DMD: variants seen among roughly 807,000 people sequenced by gnomAD.
DMD encodes dystrophin, also known as mutant dystrophin.
Under a neutral mutation model 330.1 loss-of-function variants are expected in DMD, and 63 were observed. The ratio of observed to expected loss-of-function variants is 0.19; its 90% CI spans 0.16 to 0.24. The LOEUF (loss-of-function observed/expected upper bound fraction) is 0.24. Ranked by LOEUF, DMD falls within the 10% of genes least tolerant of loss-of-function variation. The probability of loss-of-function intolerance (pLI) is 1.00; values close to 1 mark genes in which losing one functional copy is unlikely to be tolerated. For missense variants in DMD, 3,344 were observed against 2,684.1 expected, an observed-to-expected ratio of 1.25 and a Z score of -5.43; for synonymous variants, 1,223 against 959.8, an observed-to-expected ratio of 1.27 and a Z score of -5.07.
intron 62 of DMD, among the ~76,000 whole-genome samples, chrX:31,285,424 T>C (rs1468930422): frequency 2.7e-5 from 3 of 112,231 alleles, no homozygotes; most frequent in African/African-American, 9.7e-5. Context: ...ATTTTTATCA[T>C]AAATTGATTT....
chrX:33,315,426 C>G (rs766952923), intron 1 of DMD, among the ~76,000 whole-genome samples: 1 of 111,685 alleles, frequency 9.0e-6, no homozygotes, highest in East Asian at 2.8e-4. Context: ...TAAAGTCAGC[C>G]ATGTGAGTGT....
chrX:33,300,067 A>C (rs1192841845), intron 1 of DMD, among the ~76,000 whole-genome samples: 1 of 112,307 alleles, frequency 8.9e-6, no homozygotes, highest in Non-Finnish European at 1.9e-5. Context: ...TTACCAGAAA[A>C]GACAACTGTT....
intron 44 of DMD, among the ~76,000 whole-genome samples, chrX:32,024,191 T>G (rs1048608292): frequency 2.7e-5 from 3 of 112,135 alleles, no homozygotes; most frequent in Non-Finnish European, 5.6e-5. Context: ...TCGCTTAAAA[T>G]ATTTATGTAT....
At chrX:31,396,170 C>T (rs1441364622) in intron 60 of DMD, among the ~76,000 whole-genome samples, 1 of 104,770 alleles carries the variant, frequency 9.5e-6, no homozygotes, top group African/African-American at 3.5e-5. Flanking sequence ...CGGAGTCTCG[C>T]TCTGTGGCCC....
chrX:32,177,165 G>A (rs1199563247), intron 44 of DMD, among the ~76,000 whole-genome samples: 1 of 111,771 alleles, frequency 8.9e-6, no homozygotes, highest in Non-Finnish European at 1.9e-5. Context: ...GACCACCATC[G>A]CTTCTTGCCA....
intron 51 of DMD, among the ~76,000 whole-genome samples, chrX:31,768,773 C>T (rs1270524718): frequency 8.9e-6 from 1 of 112,090 alleles, no homozygotes; most frequent in Non-Finnish European, 1.9e-5. Flanking sequence ...TATTGATTCA[C>T]AATTCTAGAA....
At chrX:32,809,373 C>G in intron 7 of DMD, 120 bp downstream of exon 7, 2 of 587,699 alleles carry the variant, frequency 3.4e-6, no homozygotes, top group South Asian at 4.7e-5. Flanking sequence ...TTAAATATAT[C>G]TACAGTATTG....
At chrX:32,196,380 G>A (rs1365018019) in intron 44 of DMD, among the ~76,000 whole-genome samples, 2 of 112,009 alleles carry the variant, frequency 1.8e-5, no homozygotes, top group African/African-American at 6.5e-5. Flanking sequence ...ACTTTCCTGA[G>A]TTTCTGACTT....
chrX:31,299,774 T>TAAAA (rs35813284), intron 62 of DMD, among the ~76,000 whole-genome samples: 2 of 56,907 alleles, frequency 3.5e-5, no homozygotes, highest in African/African-American at 7.0e-5. Flanking sequence ...GACTCCGTCT[T>TAAAA]AAAAAAAAAA....
intron 37 of DMD, among the ~76,000 whole-genome samples, chrX:32,352,958 C>A (rs906771801): frequency 1.8e-5 from 2 of 111,002 alleles, no homozygotes; most frequent in African/African-American, 3.3e-5. Context: ...ATGTCTTATA[C>A]TACTCTATTT....
At chrX:32,137,197 C>T (rs1287642540) in intron 44 of DMD, among the ~76,000 whole-genome samples, 2 of 111,350 alleles carry the variant, frequency 1.8e-5, no homozygotes, top group African/African-American at 3.3e-5. Flanking sequence ...TTGCTGCTCT[C>T]ATTAATTCCT....
In DMD at chrX:31,266,133, A is replaced by T. The variant is rs1182347024; in HGVS notation, c.9225-5117T>A. ...AGAAATGCGAGAGAACACCCTAGAA[A>T]TGACTCCACACCCAATCCCGAAGGG... is the stretch of plus-strand genomic sequence containing the variant. On this transcript the variant is annotated intron_variant, in intron 62 of 78. Transcript: ENST00000357033. Among the ~76,000 whole-genome samples, 9 of 91,712 alleles carry T rather than the reference A, an allele frequency of 9.8e-5. No homozygotes were observed. The East Asian group carries it at 3.2e-3, about 32-fold the overall frequency. The allele number at this position is 91,712 out of a possible 115,157, so 79.6% of individuals were successfully genotyped here. A position where few individuals can be genotyped will look rare whatever the true frequency, so the allele number is the denominator to read the frequency against.
intron 60 of DMD, among the ~76,000 whole-genome samples, chrX:31,433,364 C>T (rs111996268): frequency 0.022 from 2,475 of 111,238 alleles, 69 homozygotes; most frequent in African/African-American, 0.076. Context: ...AACATATGAG[C>T]GCACGTCTTT....
intron 7 of DMD, among the ~76,000 whole-genome samples, chrX:32,732,137 C>A (rs1023979785): frequency 9.0e-6 from 1 of 111,160 alleles, no homozygotes; most frequent in East Asian, 2.8e-4. Flanking sequence ...GGAGCCGATG[C>A]GATCAACTGG....
At chrX:32,323,687 T>C (rs1482457426) in intron 41 of DMD, among the ~76,000 whole-genome samples, 2 of 111,415 alleles carry the variant, frequency 1.8e-5, no homozygotes, top group African/African-American at 6.5e-5. Flanking sequence ...AGTAAAATGA[T>C]AGTACAAAGT....
intron 43 of DMD, among the ~76,000 whole-genome samples, chrX:32,283,529 A>G (rs1161450318): frequency 9.0e-6 from 1 of 111,684 alleles, no homozygotes; most frequent in Non-Finnish European, 1.9e-5. Context: ...GGATTCAAGA[A>G]TCTACCATTG....
chrX:33,047,650 T>C (rs1377988131), intron 1 of DMD, among the ~76,000 whole-genome samples: 1 of 112,592 alleles, frequency 8.9e-6, no homozygotes, highest in African/African-American at 3.2e-5. Context: ...GTCTTATTAT[T>C]ACCATATAGC....
At chrX:32,946,381 C>T (rs1328715711) in intron 2 of DMD, among the ~76,000 whole-genome samples, 1 of 111,311 alleles carries the variant, frequency 9.0e-6, no homozygotes, top group African/African-American at 3.3e-5. Flanking sequence ...AAAGATACAA[C>T]AATAACTATT....
chrX:32,782,222 T>G (rs2074840246), intron 7 of DMD, among the ~76,000 whole-genome samples: 1 of 111,815 alleles, frequency 8.9e-6, no homozygotes, highest in African/African-American at 3.3e-5. Flanking sequence ...ATATTATCAT[T>G]AAAAATCACT....
Sources: gnomAD v4.1 joint callset for allele counts (sites outside exome capture counted in the v4.1 genomes callset) on GRCh38, gnomAD v4.1.1 for gene constraint, MANE v1.5 for transcripts, NCBI Gene and HGNC (gene_info 2026-07-23, HGNC 2026-07-21) for gene names.